Variants in FHIT observed in about 807,000 individuals in gnomAD.
The protein encoded by FHIT is bis(5'-adenosyl)-triphosphatase.
A neutral mutation model predicts 17.9 loss-of-function variants in FHIT; 19 were observed. The observed-to-expected ratio is 1.06, with a 90% CI of 0.74 to 1.56. FHIT has a LOEUF of 1.56. Among genes scored for constraint, FHIT ranks in the 40% most tolerant of loss-of-function variants. FHIT has a pLI of 0.00. For synonymous variants in FHIT, 81 were observed against 69.7 expected, an observed-to-expected ratio of 1.16 and a Z score of -0.81; for missense variants, 248 against 189.2, an observed-to-expected ratio of 1.31 and a Z score of -1.82.
At chr3:60,075,177 C>A (rs957651415) in intron 5 of FHIT, among the ~76,000 whole-genome samples, 3 of 152,090 alleles carry the variant, frequency 2.0e-5, no homozygotes, top group African/African-American at 7.2e-5. Flanking sequence ...TAAACTAGAG[C>A]TGCTGGGTCA....
chr3:60,275,311 T>C (rs1707075575), intron 5 of FHIT, among the ~76,000 whole-genome samples: 1 of 151,990 alleles, frequency 6.6e-6, no homozygotes, highest in South Asian at 2.1e-4. Context: ...TTCAAGACCC[T>C]CTCTGTGCCA....
chr3:61,184,058 G>A (rs779886630), intron 2 of FHIT, among the ~76,000 whole-genome samples: 2 of 151,996 alleles, frequency 1.3e-5, no homozygotes, highest in African/African-American at 2.4e-5. Context: ...AGATGAGCAC[G>A]TGCAGCCACA....
At chr3:60,861,190 T>C (rs868988161) in intron 3 of FHIT, among the ~76,000 whole-genome samples, 245 of 2,970 alleles carry the variant, frequency 0.082, 40 homozygotes, top group African/African-American at 0.28. Context: ...ATATATGATA[T>C]ATATCATATA....
chr3:60,184,419 G>A (rs1212714354), intron 5 of FHIT, among the ~76,000 whole-genome samples: 1 of 152,016 alleles, frequency 6.6e-6, no homozygotes, highest in African/African-American at 2.4e-5. Flanking sequence ...GACCTTAATA[G>A]TACTGAGGCA....
At chr3:60,370,455 T>A (rs1700281698) in intron 5 of FHIT, among the ~76,000 whole-genome samples, 1 of 152,128 alleles carries the variant, frequency 6.6e-6, no homozygotes. Flanking sequence ...GTGTCAACAT[T>A]TCAAGGTCGC....
At chr3:60,921,227 T>G (rs184576714) in intron 3 of FHIT, among the ~76,000 whole-genome samples, 13 of 152,332 alleles carry the variant, frequency 8.5e-5, no homozygotes, top group Admixed American at 8.5e-4. Context: ...AACCATAAAA[T>G]GCATGGGCCG....
At chr3:60,861,152 T>C (rs1703800007) in intron 3 of FHIT, among the ~76,000 whole-genome samples, 1 of 29,694 alleles carries the variant, frequency 3.4e-5, no homozygotes, top group African/African-American at 1.5e-4. Flanking sequence ...ATATGATCTA[T>C]ATACATATAT....
chr3:60,390,040 T>G (rs190192842), intron 5 of FHIT, among the ~76,000 whole-genome samples: 2 of 152,282 alleles, frequency 1.3e-5, no homozygotes, highest in East Asian at 3.9e-4. Flanking sequence ...ATCTCTCTGT[T>G]GCAAAACTGT....
intron 4 of FHIT, among the ~76,000 whole-genome samples, chr3:60,715,054 C>T (rs1340962063): frequency 6.6e-6 from 1 of 152,098 alleles, no homozygotes; most frequent in Non-Finnish European, 1.5e-5. Context: ...GCTACAGTAA[C>T]CAAAACAGCA....
At chr3:60,777,182 C>A (rs1474346583) in intron 4 of FHIT, among the ~76,000 whole-genome samples, 1 of 152,062 alleles carries the variant, frequency 6.6e-6, no homozygotes, top group East Asian at 1.9e-4. Context: ...TTATTGTGAG[C>A]CACATATGAG....
chr3:60,066,529 C>T lies in FHIT; in HGVS notation c.104-52377G>A, dbSNP rs116562101. On this transcript the variant is annotated intron_variant, in intron 5 of 9. Transcript: ENST00000492590. ...GACTGTTCTGGCCCTAATGACCTCC[C>T]GCCCTCTCAAAACGCCAACATAACT... Among the ~76,000 whole-genome samples, 473 of 152,054 alleles carry T rather than the reference C, an allele frequency of 3.1e-3. 3 individuals carry two copies. Among genetic ancestry groups the T allele is most frequent in the African/African-American group, 0.011 (451 of 41,472 alleles).
intron 8 of FHIT, among the ~76,000 whole-genome samples, chr3:59,910,917 T>A (rs79682956): frequency 0.017 from 2,561 of 152,260 alleles, 83 homozygotes; most frequent in African/African-American, 0.059. Context: ...TTGAAAACAT[T>A]GTTTTGCAGA....
At chr3:60,463,619 A>G (rs1375109459) in intron 5 of FHIT, among the ~76,000 whole-genome samples, 2 of 152,210 alleles carry the variant, frequency 1.3e-5, no homozygotes, top group Non-Finnish European at 2.9e-5. Flanking sequence ...GACGTGTAAC[A>G]TTTCAAACTG....
At chr3:60,556,807 C>G (rs2036755935) in intron 4 of FHIT, among the ~76,000 whole-genome samples, 1 of 149,418 alleles carries the variant, frequency 6.7e-6, no homozygotes, top group African/African-American at 2.5e-5. Context: ...TAGCTGCTGC[C>G]TTCTATCCAA....
chr3:60,661,945 TG>T (rs1419959654), intron 4 of FHIT, among the ~76,000 whole-genome samples: 1 of 152,228 alleles, frequency 6.6e-6, no homozygotes. Flanking sequence ...TTATAGATTC[TG>T]GATATTGGTC....
rs114607315 is a variant in FHIT at position 60,972,845 on chromosome 3, A to T, written c.-111+69202T>A. On this transcript the variant is annotated intron_variant, in intron 3 of 9. Transcript: ENST00000492590. ...TCTCTTCTGTTGTGTCAACTCTATT[A>T]TTAAACCTATCTACTTAGTTTTAAA... 5.5e-3 allele frequency among the ~76,000 whole-genome samples: 839 copies of T among 152,202 alleles called. 3 individuals are homozygous for T. The highest frequency in any genetic ancestry group is 9.0e-3 in the Non-Finnish European group (615 of 68,002).
intron 7 of FHIT, among the ~76,000 whole-genome samples, chr3:59,965,582 CCT>C (rs1248850030): frequency 6.6e-6 from 1 of 152,104 alleles, no homozygotes; most frequent in African/African-American, 2.4e-5. Flanking sequence ...TGATCAACTT[CCT>C]TCCATCCTCA....
intron 5 of FHIT, among the ~76,000 whole-genome samples, chr3:60,494,740 G>A (rs1035414648): frequency 3.3e-5 from 5 of 152,044 alleles, no homozygotes; most frequent in African/African-American, 9.7e-5. Flanking sequence ...TGTCTTTCTA[G>A]GCCTGACTTA....
chr3:60,586,460 C>T (rs561745656), intron 4 of FHIT, among the ~76,000 whole-genome samples: 1 of 151,974 alleles, frequency 6.6e-6, no homozygotes, highest in African/African-American at 2.4e-5. Flanking sequence ...AAAAACAGAA[C>T]TATCATTCAA....
Sources: allele counts gnomAD v4.1 joint callset (sites outside exome capture counted in the v4.1 genomes callset), GRCh38; gene constraint gnomAD v4.1.1; transcripts MANE v1.5; gene names NCBI Gene and HGNC (gene_info 2026-07-23, HGNC 2026-07-21).